The following CPB1 variants were observed in gnomAD, a reference collection of about 807,000 sequenced individuals.
CPB1 encodes carboxypeptidase B1, also known as carboxypeptidase B.
A neutral mutation model predicts 51.4 loss-of-function variants in CPB1; 53 were observed. The observed-to-expected ratio is 1.03, with a 90% CI of 0.83 to 1.30. The LOEUF is 1.30. Among genes scored for constraint, CPB1 ranks in the 50% most tolerant of loss-of-function variants. The pLI is 0.00. For missense variants in CPB1, 494 were observed against 516.2 expected, an observed-to-expected ratio of 0.96 and a Z score of 0.42; for synonymous variants, 189 against 186.9, an observed-to-expected ratio of 1.01 and a Z score of -0.09.
chr3:148,839,254 G>C (rs942129556), intron 3 of CPB1, among the ~76,000 whole-genome samples: 4 of 152,132 alleles, frequency 2.6e-5, no homozygotes, highest in Non-Finnish European at 4.4e-5. Flanking sequence ...CTCAGAACTA[G>C]AAAGGGCAAG....
intron 2 of CPB1, among the ~76,000 whole-genome samples, chr3:148,829,645 T>C (rs979050534): frequency 7.9e-5 from 12 of 152,206 alleles, no homozygotes; most frequent in African/African-American, 2.9e-4. Context: ...TCCAGGGCAA[T>C]AACTCTTCCC....
At chr3:148,850,841 A>G (rs189176190) in intron 9 of CPB1, 3 of 152,338 alleles carry the variant, frequency 2.0e-5, no homozygotes, top group Admixed American at 2.0e-4. Context: ...TTAGGTGAAC[A>G]GGGCTTTAGG....
chr3:148,853,962 T>G (rs913326729), intron 9 of CPB1, among the ~76,000 whole-genome samples: 1 of 152,232 alleles, frequency 6.6e-6, no homozygotes, highest in African/African-American at 2.4e-5. Context: ...TGAGAAACAA[T>G]GTAAGATGTC....
intron 9 of CPB1, chr3:148,857,197 T>C (rs1331690021): frequency 7.1e-6 from 2 of 283,174 alleles, no homozygotes; most frequent in Admixed American, 9.7e-5. Context: ...GCTTTTCTGT[T>C]ACAAACTCTT....
intron 2 of CPB1, among the ~76,000 whole-genome samples, chr3:148,833,953 G>A (rs936105011): frequency 7.4e-6 from 1 of 135,912 alleles, no homozygotes; most frequent in Non-Finnish European, 1.7e-5. Flanking sequence ...TCCAGCCACA[G>A]TGTCAATATA....
At chr3:148,837,946 C>G (rs1273625060) in intron 3 of CPB1, among the ~76,000 whole-genome samples, 2 of 152,064 alleles carry the variant, frequency 1.3e-5, no homozygotes, top group East Asian at 1.9e-4. Flanking sequence ...AGTCACTGAT[C>G]CTCCTAAATA....
Position 148,840,667 on chromosome 3 carries a change from C to A in CPB1, c.273-19C>A. On this transcript the variant is annotated intron_variant, in intron 3 of 10. Transcript: ENST00000282957. ...AATACACTTATGTTCATAGGAACAC[C>A]CACTTTGGTTCGTTGCAGGGTACTG... 1 of 1,609,728 alleles carries A rather than the reference C, an allele frequency of 6.2e-7. No individual in the cohort carries two copies. The highest frequency in any genetic ancestry group is 8.5e-7 in the Non-Finnish European group (1 of 1,176,066).
chr3:148,847,372 T>TAAAAAAAAAAAAAAAAAAAAAAAA, intron 9 of CPB1, among the ~76,000 whole-genome samples: 1 of 86,718 alleles, frequency 1.2e-5, no homozygotes, highest in Non-Finnish European at 2.1e-5. Flanking sequence ...AAATCATTCT[T>TAAAAAAAAAAAAAAAAAAAAAAAA]AAAAAAAAAA....
chr3:148,857,337 C>G, intron 9 of CPB1, 120 bp from the exon 10 acceptor site: 1 of 694,846 alleles, frequency 1.4e-6, no homozygotes, highest in South Asian at 1.8e-5. Context: ...CCTGAATAAG[C>G]ATATAATACG....
intron 3 of CPB1, 29 bp from the exon 4 acceptor site, chr3:148,840,657 A>C (rs1172501954): frequency 6.2e-7 from 1 of 1,600,424 alleles, no homozygotes. Flanking sequence ...ACTTATGTTC[A>C]TAGGAACACC....
intron 3 of CPB1, among the ~76,000 whole-genome samples, chr3:148,835,455 A>G (rs754596094): frequency 2.0e-5 from 3 of 152,210 alleles, no homozygotes; most frequent in Admixed American, 6.5e-5. Context: ...GTCCTAGGAA[A>G]TGATTCTTCA....
At chr3:148,849,637 C>A (rs1360551380) in intron 9 of CPB1, among the ~76,000 whole-genome samples, 2 of 152,152 alleles carry the variant, frequency 1.3e-5, no homozygotes, top group African/African-American at 4.8e-5. Flanking sequence ...ATCCAGCCAA[C>A]AAGTATCTTG....
chr3:148,834,448 C>T (rs1440735086), intron 2 of CPB1, 50 bp from the exon 3 acceptor site: 4 of 1,544,920 alleles, frequency 2.6e-6, no homozygotes, highest in Non-Finnish European at 3.6e-6. Flanking sequence ...CGCAGATTAT[C>T]CTTCATCCAT....
At chr3:148,844,383 T>C in intron 6 of CPB1, 95 bp from the exon 7 acceptor site, 1 of 866,616 alleles carries the variant, frequency 1.2e-6, no homozygotes, top group South Asian at 1.6e-5. Flanking sequence ...AATGCTGCTC[T>C]TATTACCAAA....
At position 148,841,817 on chromosome 3, in the gene CPB1, C is replaced by A. The variant is rs759994751; in HGVS notation, c.475-6C>A. The A allele has an allele frequency of 6.2e-7, 1 of 1,612,166 alleles. No homozygotes were observed. The highest frequency in any genetic ancestry group is 1.1e-5 in the South Asian group (1 of 90,988). On this transcript the variant is annotated splice_region_variant and splice_polypyrimidine_tract_variant and intron_variant, in intron 5 of 10. Coordinates refer to ENST00000282957, the MANE Select transcript of CPB1 (RefSeq NM_001871.3). Reference sequence around the variant, plus strand: ...ATGGTTTCCCTTTTCCTTTTGTTTGCAATAGGTTGGCAAAGCTGGACAAAA... The same window carrying A: ...ATGGTTTCCCTTTTCCTTTTGTTTGAAATAGGTTGGCAAAGCTGGACAAAA...
intron 9 of CPB1, among the ~76,000 whole-genome samples, chr3:148,847,478 C>T (rs6801396): frequency 0.24 from 36,779 of 151,164 alleles, 4,605 homozygotes; most frequent in African/African-American, 0.31. Flanking sequence ...AAGAACCAAG[C>T]CTCAGAGTTA....
At chr3:148,834,960 T>A (rs1406818438) in intron 3 of CPB1, among the ~76,000 whole-genome samples, 1 of 152,212 alleles carries the variant, frequency 6.6e-6, no homozygotes, top group Non-Finnish European at 1.5e-5. Context: ...TAACCCCAAA[T>A]CTTATCAGCT....
At chr3:148,841,501 G>A (rs1177041247) in intron 5 of CPB1, among the ~76,000 whole-genome samples, 1 of 152,130 alleles carries the variant, frequency 6.6e-6, no homozygotes, top group East Asian at 1.9e-4. Flanking sequence ...AGTTGTCTTG[G>A]TCATGTCACC....
chr3:148,845,504 G>A lies in CPB1; in HGVS notation c.859G>A (p.Ala287Thr), dbSNP rs748997009. Reference protein sequence around the residue: ...AESEKETKALADFIRNKLSSI... With the variant: ...AESEKETKALTDFIRNKLSSI... ...GTCTGAAAAGGAGACCAAGGCCCTG[G>A]CTGATTTCATCCGCAACAAACTCTC... is the stretch of plus-strand genomic sequence containing the variant. Residue 287 changes from alanine (A) to threonine (T), a missense_variant, in exon 9 of 11, where the codon GCT becomes ACT. Coordinates refer to ENST00000282957, the MANE Select transcript of CPB1 (RefSeq NM_001871.3). 5.0e-6 allele frequency: 8 copies of A among 1,613,904 alleles called. No individual in the cohort carries two copies. The South Asian group carries it at 6.6e-5, about 13-fold the overall frequency.
Sources: allele counts gnomAD v4.1 joint callset (sites outside exome capture counted in the v4.1 genomes callset), GRCh38; gene constraint gnomAD v4.1.1; transcripts MANE v1.5; gene names NCBI Gene and HGNC (gene_info 2026-07-23, HGNC 2026-07-21).